The following MDFIC variants were observed in gnomAD, a reference collection of about 807,000 sequenced individuals.
MDFIC encodes MyoD family inhibitor domain containing.
Under a neutral mutation model 23.2 loss-of-function variants are expected in MDFIC, and 17 were observed. That is an observed-to-expected ratio of 0.73 (90% CI 0.50 to 1.10). The LOEUF is 1.10. Ranked by LOEUF, MDFIC falls within the 50% of genes least tolerant of loss-of-function variation. The probability of loss-of-function intolerance (pLI) is 0.00; values close to 1 mark genes in which losing one functional copy is unlikely to be tolerated. For missense variants in MDFIC, 356 were observed against 316.6 expected, an observed-to-expected ratio of 1.12 and a Z score of -0.95; for synonymous variants, 120 against 115.2, an observed-to-expected ratio of 1.04 and a Z score of -0.27.
chr7:114,961,281 G>T (rs1012219572), intron 3 of MDFIC, among the ~76,000 whole-genome samples: 3 of 152,156 alleles, frequency 2.0e-5, no homozygotes, highest in South Asian at 4.1e-4. Context: ...TAGAGAACAT[G>T]TTAGTTTTCA....
intron 3 of MDFIC, among the ~76,000 whole-genome samples, chr7:114,972,388 A>G (rs1793222122): frequency 6.6e-6 from 1 of 152,086 alleles, no homozygotes. Context: ...CATCCCAGGA[A>G]GCCCCACCCC....
intron 2 of MDFIC, among the ~76,000 whole-genome samples, chr7:114,927,813 A>G (rs1792225709): frequency 1.3e-5 from 2 of 152,220 alleles, no homozygotes; most frequent in Admixed American, 1.3e-4. Flanking sequence ...AATAAAAGTC[A>G]AAAGATTGTT....
chr7:115,000,933 A>C (rs2116079819), intron 4 of MDFIC, among the ~76,000 whole-genome samples: 1 of 152,270 alleles, frequency 6.6e-6, no homozygotes, highest in East Asian at 1.9e-4. Context: ...GTTTTCAGGC[A>C]AATCTTCCCA....
chr7:115,006,655 G>A (rs896301707), intron 4 of MDFIC, among the ~76,000 whole-genome samples: 32 of 152,176 alleles, frequency 2.1e-4, no homozygotes, highest in Non-Finnish European at 4.3e-4. Context: ...AAGCATTTGG[G>A]AGAGATTTTT....
chr7:114,948,099 T>G (rs1034460680), intron 3 of MDFIC, among the ~76,000 whole-genome samples: 3 of 152,202 alleles, frequency 2.0e-5, no homozygotes, highest in Non-Finnish European at 4.4e-5. Flanking sequence ...AAATGCATGA[T>G]GACTTAAGTG....
intron 2 of MDFIC, among the ~76,000 whole-genome samples, chr7:114,925,162 G>A (rs979036081): frequency 4.6e-5 from 7 of 152,054 alleles, no homozygotes; most frequent in Non-Finnish European, 8.8e-5. Flanking sequence ...GAACATGAAG[G>A]ATATGATCAA....
chr7:114,939,425 A>C (rs1006295069), intron 2 of MDFIC, among the ~76,000 whole-genome samples: 4 of 152,226 alleles, frequency 2.6e-5, no homozygotes, highest in African/African-American at 9.6e-5. Flanking sequence ...TTTACTATTC[A>C]TTGAATATAA....
chr7:115,018,455 T>G lies in MDFIC; in HGVS notation c.*2520T>G, dbSNP rs1346253638. On this transcript the variant is annotated 3_prime_UTR_variant, in exon 5 of 5. Coordinates refer to ENST00000393486, the MANE Select transcript of MDFIC (RefSeq NM_001166345.3). ...GGATACCAGAATTTTATTTTTGTAT[T>G]TATGTTCATAGTACTTTTCCTCTTG... 6.6e-6 allele frequency: 1 copy of G among 152,278 alleles called. No homozygotes were observed. The highest frequency in any genetic ancestry group is 1.9e-4 in the East Asian group (1 of 5,202). 9.4% of individuals were successfully genotyped at this position (152,278 alleles called of 1,614,324 possible). A position where few individuals can be genotyped will look rare whatever the true frequency, so the allele number is the denominator to read the frequency against.
intron 2 of MDFIC, among the ~76,000 whole-genome samples, chr7:114,940,823 C>T (rs909328741): frequency 3.9e-5 from 6 of 152,080 alleles, no homozygotes; most frequent in African/African-American, 9.7e-5. Context: ...TTAGGCTTTC[C>T]CAGTCAAATC....
chr7:115,018,914 A>G lies in MDFIC; in HGVS notation c.*2979A>G, dbSNP rs1791849570. On this transcript the variant is annotated 3_prime_UTR_variant, in exon 5 of 5. Transcript: ENST00000393486. ...TAAATCACATGACTCATGTCCGTAA[A>G]TGAACTATGAAAGATATCGATCAGT... 6.6e-6 allele frequency: 1 copy of G among 151,986 alleles called. No individual in the cohort carries two copies. The highest frequency in any genetic ancestry group is 6.6e-5 in the Admixed American group (1 of 15,244). 9.4% of individuals were successfully genotyped at this position (151,986 alleles called of 1,614,324 possible).
At chr7:114,962,939 T>C (rs917394268) in intron 3 of MDFIC, among the ~76,000 whole-genome samples, 5 of 152,222 alleles carry the variant, frequency 3.3e-5, no homozygotes, top group Admixed American at 2.0e-4. Context: ...AGTTTGTATA[T>C]TTCAGAGAAA....
chr7:115,009,981 A>C lies in MDFIC; in HGVS notation c.494-5707A>C, dbSNP rs561619149. On this transcript the variant is annotated intron_variant, in intron 4 of 4. Coordinates refer to ENST00000393486, the MANE Select transcript of MDFIC (RefSeq NM_001166345.3). ...CCAGTTTTGGACAGGCATCTTTCCC[A>C]GAACCAAGTGGTCTTCTCAGAGGTT... Among the ~76,000 whole-genome samples the C allele has an allele frequency of 2.2e-4, 33 of 152,330 alleles. No individual in the cohort carries two copies. In the South Asian group the frequency reaches 6.6e-3, roughly 31 times the overall value.
chr7:114,924,703 C>G (rs901957548), intron 2 of MDFIC, among the ~76,000 whole-genome samples: 2 of 152,176 alleles, frequency 1.3e-5, no homozygotes, highest in Non-Finnish European at 2.9e-5. Flanking sequence ...ATTAGTTTAA[C>G]TTTGATCCAA....
intron 2 of MDFIC, among the ~76,000 whole-genome samples, chr7:114,926,231 AG>A (rs1161177487): frequency 6.6e-6 from 1 of 152,216 alleles, no homozygotes; most frequent in Non-Finnish European, 1.5e-5. Context: ...TTGTAACTAG[AG>A]GGGTCTTTAG....
chr7:114,942,356 A>G lies in MDFIC; in HGVS notation c.176A>G (p.Gln59Arg), dbSNP rs1302476858. 6.2e-7 allele frequency: 1 copy of G among 1,605,340 alleles called. No homozygotes were observed. Among genetic ancestry groups the G allele is most frequent in the Admixed American group, 1.7e-5 (1 of 59,112 alleles). ...TTCACACATGGAGAGATGCAAGACC[A>G]GTCCATTTGGGGAAATCCTTCGGAT... ...SHFTHGEMQD[Q>R]SIWGNPSDGE... Residue 59 changes from glutamine to arginine, a missense_variant, in exon 3 of 5, where the codon CAG becomes CGG. Coordinates refer to ENST00000393486, the MANE Select transcript of MDFIC (RefSeq NM_001166345.3).
chr7:114,936,104 A>AAATT, intron 2 of MDFIC, among the ~76,000 whole-genome samples: 1 of 152,124 alleles, frequency 6.6e-6, no homozygotes, highest in Non-Finnish European at 1.5e-5. Flanking sequence ...GAAGAATCTG[A>AAATT]CAAAGATTAA....
Position 114,950,515 on chromosome 7 carries a change from T to G in MDFIC, c.217+8118T>G, listed in dbSNP as rs1221886763. Among the ~76,000 whole-genome samples the G allele has an allele frequency of 3.9e-5, 6 of 152,048 alleles. No individual in the cohort carries two copies. The South Asian group carries it at 1.2e-3, about 32-fold the overall frequency. ...TAAATAAGTAAAAACATCAGAGGGG[T>G]TAATAGTCCATAAGTTTCCTGTTGT... On this transcript the variant is annotated intron_variant, in intron 3 of 4. Coordinates refer to ENST00000393486, the MANE Select transcript of MDFIC (RefSeq NM_001166345.3).
chr7:115,006,985 A>C (rs1432031415), intron 4 of MDFIC, among the ~76,000 whole-genome samples: 2 of 152,056 alleles, frequency 1.3e-5, no homozygotes, highest in Non-Finnish European at 2.9e-5. Flanking sequence ...ATATGGAAAA[A>C]ATAGGTTATT....
chr7:114,979,822 A>C, intron 4 of MDFIC, 41 bp downstream of exon 4: 1 of 1,575,682 alleles, frequency 6.3e-7, no homozygotes, highest in Middle Eastern at 1.7e-4. Context: ...GACCAGATGT[A>C]AAATAATATT....
Sources: gnomAD v4.1 joint callset for allele counts (sites outside exome capture counted in the v4.1 genomes callset) on GRCh38, gnomAD v4.1.1 for gene constraint, MANE v1.5 for transcripts, NCBI Gene and HGNC (gene_info 2026-07-23, HGNC 2026-07-21) for gene names.